Variants in PITPNM1 observed in about 807,000 individuals in gnomAD.
The protein encoded by PITPNM1 is membrane-associated phosphatidylinositol transfer protein 1.
PITPNM1 carries 74 observed loss-of-function variants against 133.3 expected under a neutral mutation model. The observed-to-expected ratio is 0.56, with a 90% CI of 0.46 to 0.67. The LOEUF is 0.67. Ranked by LOEUF, PITPNM1 falls within the 30% of genes least tolerant of loss-of-function variation. The pLI is 0.00. For synonymous variants in PITPNM1, 738 were observed against 741.4 expected, an observed-to-expected ratio of 1.00 and a Z score of 0.08; for missense variants, 1,398 against 1,739.5, an observed-to-expected ratio of 0.80 and a Z score of 3.49.
intron 8 of PITPNM1, 30 bp downstream of exon 8, chr11:67,499,693 G>A (rs192890264): frequency 4.0e-5 from 50 of 1,242,340 alleles, no homozygotes; most frequent in Middle Eastern, 2.0e-4. Flanking sequence ...CACGGGTGCT[G>A]GGGGCCGGTG....
chr11:67,499,015 AAGCCAGTGAGAGGGACGG>A lies in PITPNM1; in HGVS notation c.1172-32_1172-15del. 6.2e-7 allele frequency: 1 copy of A among 1,608,046 alleles called. No individual in the cohort carries two copies. The highest frequency in any genetic ancestry group is 1.1e-5 in the South Asian group (1 of 90,656). On this transcript the variant is annotated splice_polypyrimidine_tract_variant and intron_variant, in intron 8 of 23. Transcript: ENST00000356404. ...CGGCTCCAGGCTCTGCAGGGCAACG[AAGCCAGTGAGAGGGACGG>A]AGAGGACCACTGGGATCCCCTCATC... is the stretch of plus-strand genomic sequence containing the variant.
chr11:67,493,373 C>A, intron 22 of PITPNM1, 37 bp downstream of exon 22: 1 of 1,513,496 alleles, frequency 6.6e-7, no homozygotes, highest in Non-Finnish European at 8.9e-7. Flanking sequence ...GGAGCGGGGG[C>A]GGGGTCAGGA....
chr11:67,502,615 TTGTG>T lies in PITPNM1; in HGVS notation c.178_181del (p.His60ArgfsTer24). The T allele has an allele frequency of 6.2e-7, 1 of 1,613,556 alleles. No individual in the cohort carries two copies. Among genetic ancestry groups the T allele is most frequent in the Non-Finnish European group, 8.5e-7 (1 of 1,180,006 alleles). On this transcript the variant is annotated frameshift_variant, in exon 3 of 24. Transcript: ENST00000356404. LOFTEE classifies it high-confidence loss of function. The surrounding 1 kb of genome is among the most constrained non-coding windows in gnomAD (Gnocchi z 5.9). ...GATGTGGGAGCCCACGTGGTACACC[TTGTG>T]TGTGTATTGCCCGCTGCCCCCGGGC...
intron 14 of PITPNM1, 180 bp from the exon 15 acceptor site, chr11:67,496,528 C>T (rs368077780): frequency 1.6e-5 from 9 of 545,868 alleles, no homozygotes; most frequent in African/African-American, 8.1e-5. Context: ...GGCTGGGCAC[C>T]GTGGCTCATG....
intron 14 of PITPNM1, 103 bp downstream of exon 14, chr11:67,497,128 T>G: frequency 3.2e-6 from 3 of 928,440 alleles, no homozygotes; most frequent in Non-Finnish European, 4.8e-6. Flanking sequence ...ATTAGTACAG[T>G]GGGGAAGTTG....
Position 67,503,988 on chromosome 11 carries a change from G to A in PITPNM1, c.78+115C>T, listed in dbSNP as rs182204370. ...GTCCTTCCCCATTCCCACATCTGAAGGGGGGCCTCTCTTGCCTCCTCCGGG... is the reference window on the plus strand; with the variant it reads ...GTCCTTCCCCATTCCCACATCTGAAAGGGGGCCTCTCTTGCCTCCTCCGGG... On this transcript the variant is annotated intron_variant, in intron 2 of 23. Coordinates refer to ENST00000356404, the MANE Select transcript of PITPNM1 (RefSeq NM_004910.3). 8.3e-4 allele frequency: 574 copies of A among 693,466 alleles called. 3 individuals carry two copies. In the African/African-American group the frequency reaches 9.5e-3, roughly 11 times the overall value. 43.0% of individuals were successfully genotyped at this position (693,466 alleles called of 1,614,324 possible).
chr11:67,498,668 GC>G lies in PITPNM1; in HGVS notation c.1411del (p.Ala471ProfsTer26). 6.9e-6 allele frequency: 11 copies of G among 1,601,848 alleles called. No homozygotes were observed. Among genetic ancestry groups the G allele is most frequent in the Non-Finnish European group, 9.3e-6 (11 of 1,179,932 alleles). ...CAGTCGCAGCGCCACGTGGCCCAAG[GC>G]CTCAGGGAAGTGGATGCGGGTGACG... is the stretch of plus-strand genomic sequence containing the variant. Reference protein sequence around the residue: ...EAVTRIHFPEALGHVALRLVP... With the variant: ...EAVTRIHFPEXLGHVALRLVP... On this transcript the variant is annotated frameshift_variant, in exon 10 of 24. Coordinates refer to ENST00000356404, the MANE Select transcript of PITPNM1 (RefSeq NM_004910.3). LOFTEE classifies it high-confidence loss of function. The surrounding 1 kb of genome is among the most constrained non-coding windows in gnomAD (Gnocchi z 5.7).
At chr11:67,503,598 T>A (rs1050895133) in intron 2 of PITPNM1, among the ~76,000 whole-genome samples, 39 of 151,948 alleles carry the variant, frequency 2.6e-4, no homozygotes, top group South Asian at 1.3e-3. Context: ...TGGAGCAGAC[T>A]CCCCCAGGCC....
chr11:67,504,010 C>T lies in PITPNM1; in HGVS notation c.78+93G>A. ...GAAGGGGGGCCTCTCTTGCCTCCTC[C>T]GGGCTCCCAGCCGGTCCCAGCCCCG... is the stretch of plus-strand genomic sequence containing the variant. On this transcript the variant is annotated intron_variant, in intron 2 of 23. Coordinates refer to ENST00000356404, the MANE Select transcript of PITPNM1 (RefSeq NM_004910.3). This position sits in a 1 kb window ranked among gnomAD's most constrained non-coding sequence, Gnocchi z 5.4. 2.1e-6 allele frequency: 2 copies of T among 950,624 alleles called. 1 individual carries two copies. The highest frequency in any genetic ancestry group is 4.3e-4 in the Middle Eastern group (2 of 4,614). The allele number at this position is 950,624 out of a possible 1,614,324, so 58.9% of individuals were successfully genotyped here. A position where few individuals can be genotyped will look rare whatever the true frequency, so the allele number is the denominator to read the frequency against.
rs764079753 is a variant in PITPNM1 at position 67,495,459 on chromosome 11, T to C, written c.2461A>G (p.Thr821Ala). 2 of 1,536,198 alleles carry C rather than the reference T, an allele frequency of 1.3e-6. No homozygotes were observed. Among genetic ancestry groups the C allele is most frequent in the Non-Finnish European group, 8.8e-7 (1 of 1,140,886 alleles). The part of the protein sequence containing the change: ...DPPAQPAAPS[T>A]TSEVVKILER... The stretch of plus-strand genomic sequence containing the variant: ...TTACTCTTAACCACCTCACTGGTGG[T>C]GCTGGGGGCGGCTGGCTGGGCCGGG... The change falls in exon 16 of 24, where the codon ACC (threonine) becomes GCC (alanine). Residue 821 changes from threonine to alanine, a missense_variant. Thr to Ala is a moderately conservative substitution (Grantham distance 58, BLOSUM62 0). Coordinates refer to ENST00000356404, the MANE Select transcript of PITPNM1 (RefSeq NM_004910.3).
Position 67,502,842 on chromosome 11 carries a change from C to T in PITPNM1, c.79-124G>A. ...TCCCAGCCTTTTCAACTCCCTGAAA[C>T]CAGACCCCGCCCCACCAAAGCTCCC... On this transcript the variant is annotated intron_variant, in intron 2 of 23. Transcript: ENST00000356404. The surrounding 1 kb of genome is among the most constrained non-coding windows in gnomAD (Gnocchi z 5.9). 1 of 890,046 alleles carries T rather than the reference C, an allele frequency of 1.1e-6. No homozygotes were observed. Among genetic ancestry groups the T allele is most frequent in the South Asian group, 1.7e-5 (1 of 60,502 alleles). The allele number at this position is 890,046 out of a possible 1,614,324, so 55.1% of individuals were successfully genotyped here.
At chr11:67,500,571 A>G (rs889941558) in intron 5 of PITPNM1, 150 bp from the exon 6 acceptor site, 179 of 711,756 alleles carry the variant, frequency 2.5e-4, no homozygotes, top group Non-Finnish European at 5.1e-5. Flanking sequence ...CAGTCCAGGA[A>G]TGGGAGTGGA....
chr11:67,497,872 G>A (rs1462934953), intron 12 of PITPNM1, 45 bp downstream of exon 12: 8 of 1,571,610 alleles, frequency 5.1e-6, no homozygotes, highest in Non-Finnish European at 7.0e-6. Context: ...TAGAGCCAGA[G>A]AGGGCCTTTC....
At position 67,498,443 on chromosome 11, in the gene PITPNM1, A is replaced by G; in HGVS notation, c.1485-121T>C. 1 of 1,404,088 alleles carries G rather than the reference A, an allele frequency of 7.1e-7. No individual in the cohort carries two copies. The highest frequency in any genetic ancestry group is 2.3e-5 in the East Asian group (1 of 42,610). The allele number at this position is 1,404,088 out of a possible 1,614,324, so 87.0% of individuals were successfully genotyped here. A position where few individuals can be genotyped will look rare whatever the true frequency, so the allele number is the denominator to read the frequency against. On this transcript the variant is annotated intron_variant, in intron 10 of 23. Transcript: ENST00000356404. This position sits in a 1 kb window ranked among gnomAD's most constrained non-coding sequence, Gnocchi z 5.7. Reference sequence around the variant, plus strand: ...GTCCTCTGTGGGGAGCGTTAGCCCCAAGAGGCAACTGAAATGGAGCCATTC... The same window carrying G: ...GTCCTCTGTGGGGAGCGTTAGCCCCGAGAGGCAACTGAAATGGAGCCATTC...
chr11:67,497,535 C>T lies in PITPNM1; in HGVS notation c.1927G>A (p.Gly643Ser). 2 of 1,608,792 alleles carry T rather than the reference C, an allele frequency of 1.2e-6. No individual in the cohort carries two copies. Among genetic ancestry groups the T allele is most frequent in the Non-Finnish European group, 1.7e-6 (2 of 1,178,402 alleles). The change falls in exon 13 of 24, where the codon GGC becomes AGC. Residue 643 changes from glycine to serine, a missense_variant. This residue lies in a region of PITPNM1 where 574 missense variants were observed against 698.7 expected (regional missense o/e 0.82). Coordinates refer to ENST00000356404, the MANE Select transcript of PITPNM1 (RefSeq NM_004910.3). Reference protein sequence around the residue: ...PSDMASPEPEGSQNSLQAAPA... With the variant: ...PSDMASPEPESSQNSLQAAPA... Reference sequence around the variant, plus strand: ...CAGGGACGTCACCTGTTCTGAGAGCCCTCGGGCTCAGGACTGGCCATGTCG... The same window carrying T: ...CAGGGACGTCACCTGTTCTGAGAGCTCTCGGGCTCAGGACTGGCCATGTCG...
rs201792327 is a variant in PITPNM1 at position 67,494,950 on chromosome 11, C to A, written c.2638G>T (p.Glu880Ter). 6.2e-7 allele frequency: 1 copy of A among 1,612,510 alleles called. No individual in the cohort carries two copies. The highest frequency in any genetic ancestry group is 8.5e-7 in the Non-Finnish European group (1 of 1,179,696). ...VVAFILRQVI[E>*]KERPQLAECE... ...TCCGCCAGCTGTGGCCGCTCCTTCT[C>A]GATCACCTGCACGGGACAGGGGGCG... Residue 880 changes from glutamate to a stop codon, truncating the protein, a stop_gained, in exon 18 of 24, where the codon GAG becomes TAG. Transcript: ENST00000356404. LOFTEE classifies it high-confidence loss of function.
intron 15 of PITPNM1, 86 bp downstream of exon 15, chr11:67,496,088 CGTCT>C: frequency 8.1e-7 from 1 of 1,242,200 alleles, no homozygotes; most frequent in Non-Finnish European, 1.1e-6. Context: ...GGTTTTCCAT[CGTCT>C]GGGAGCCTCC....
chr11:67,494,262 G>A lies in PITPNM1; in HGVS notation c.2841C>T (p.Val947=). 1.2e-6 allele frequency: 2 copies of A among 1,612,674 alleles called. No homozygotes were observed. Residue 947 remains valine (V), a synonymous_variant, in exon 19 of 24, where the codon GTC becomes GTT. Transcript: ENST00000356404. ...GRFMYGPLDV[V]TLTGEKVDVY... ...TCCTGACCTTCTCTCCAGTGAGCGT[G>A]ACGACGTCCAGGGGCCCGTACATGA...
At chr11:67,497,732 C>T in intron 12 of PITPNM1, 53 bp from the exon 13 acceptor site, 1 of 1,594,444 alleles carries the variant, frequency 6.3e-7, no homozygotes, top group Admixed American at 1.8e-5. Flanking sequence ...CATTCGAATT[C>T]TACTTACTTA....
Sources: allele counts gnomAD v4.1 joint callset (sites outside exome capture counted in the v4.1 genomes callset), GRCh38; gene constraint gnomAD v4.1.1; regional missense constraint gnomAD v4.1.1; non-coding constraint Gnocchi (gnomAD v3.1); transcripts MANE v1.5; gene names NCBI Gene and HGNC (gene_info 2026-07-23, HGNC 2026-07-21).